Variants in BTBD9 observed in about 807,000 individuals in gnomAD.
The protein encoded by BTBD9 is BTB/POZ domain-containing protein 9.
BTBD9 carries 49 observed loss-of-function variants against 64.3 expected under a neutral mutation model. The observed-to-expected ratio is 0.76, with a 90% CI of 0.61 to 0.97. The LOEUF is 0.97. Among genes scored for constraint, BTBD9 ranks in the 50% least tolerant of loss-of-function variants. The pLI is 0.00. For missense variants in BTBD9, 598 were observed against 762.1 expected (o/e 0.78, Z 2.53); for synonymous variants, 260 against 274.7 (o/e 0.95, Z 0.53).
intron 9 of BTBD9, among the ~76,000 whole-genome samples, chr6:38,222,268 T>TTG (rs1468166655): frequency 7.2e-6 from 1 of 139,672 alleles, no homozygotes; most frequent in Non-Finnish European, 1.6e-5. Flanking sequence ...TTTTTTTTTT[T>TTG]TTTTTTTTTT....
At chr6:38,371,466 C>A (rs1765424659) in intron 6 of BTBD9, among the ~76,000 whole-genome samples, 1 of 152,194 alleles carries the variant, frequency 6.6e-6, no homozygotes, top group Non-Finnish European at 1.5e-5. Flanking sequence ...TTCCCAGGAT[C>A]TCATCCAGCA....
chr6:38,333,710 G>A lies in BTBD9; in HGVS notation c.1264+11274C>T, dbSNP rs369686071. On this transcript the variant is annotated intron_variant, in intron 7 of 10. Coordinates refer to ENST00000481247, the MANE Select transcript of BTBD9 (RefSeq NM_001099272.2). Reference sequence around the variant, plus strand: ...GAAGCCTCTGCAGAAGCAGAAGCCCGTACAGCCCACAAAACCATGAGCCAA... The same window carrying A: ...GAAGCCTCTGCAGAAGCAGAAGCCCATACAGCCCACAAAACCATGAGCCAA... 2.4e-4 allele frequency among the ~76,000 whole-genome samples: 36 copies of A among 152,280 alleles called. 1 individual carries two copies. In the South Asian group the frequency reaches 5.8e-3, roughly 25 times the overall value.
At chr6:38,308,768 G>C (rs1762719160) in intron 7 of BTBD9, among the ~76,000 whole-genome samples, 1 of 151,730 alleles carries the variant, frequency 6.6e-6, no homozygotes, top group Non-Finnish European at 1.5e-5. Context: ...ACCAAGCCTG[G>C]CTTATTTATT....
chr6:38,332,450 T>C (rs1433514102), intron 7 of BTBD9, among the ~76,000 whole-genome samples: 1 of 152,252 alleles, frequency 6.6e-6, no homozygotes, highest in Non-Finnish European at 1.5e-5. Flanking sequence ...TCTCACATTA[T>C]ATTCTTACAC....
intron 1 of BTBD9, among the ~76,000 whole-genome samples, chr6:38,632,145 T>C (rs973787377): frequency 6.6e-5 from 10 of 152,204 alleles, no homozygotes; most frequent in African/African-American, 2.2e-4. Flanking sequence ...AAAAGTTTGT[T>C]GTCTTAAGCA....
rs139563820 is a variant in BTBD9 at position 38,561,134 on chromosome 6, T to C, written c.1154+16466A>G. Among the ~76,000 whole-genome samples, 831 of 152,344 alleles carry C rather than the reference T, an allele frequency of 5.5e-3. 13 individuals carry two copies. Among genetic ancestry groups the C allele is most frequent in the African/African-American group, 0.018 (769 of 41,590 alleles). ...TGCTGGGTCAAACGGTAATTCTGTTTCTAGTTCTTTAAAGAAATAGCCACA... is the reference window on the plus strand; with the variant it reads ...TGCTGGGTCAAACGGTAATTCTGTTCCTAGTTCTTTAAAGAAATAGCCACA... On this transcript the variant is annotated intron_variant, in intron 6 of 10. Coordinates refer to ENST00000481247, the MANE Select transcript of BTBD9 (RefSeq NM_001099272.2).
chr6:38,409,207 A>T (rs1767300824), intron 6 of BTBD9, among the ~76,000 whole-genome samples: 1 of 152,124 alleles, frequency 6.6e-6, no homozygotes, highest in South Asian at 2.1e-4. Context: ...CTGACATCAC[A>T]TCACTGCACT....
intron 6 of BTBD9, among the ~76,000 whole-genome samples, chr6:38,436,894 C>T (rs1029309088): frequency 6.6e-6 from 1 of 152,144 alleles, no homozygotes; most frequent in African/African-American, 2.4e-5. Context: ...CTATAAATTA[C>T]AAGTCTACAA....
chr6:38,525,416 G>A (rs1188160066), intron 6 of BTBD9, among the ~76,000 whole-genome samples: 1 of 152,194 alleles, frequency 6.6e-6, no homozygotes, highest in Non-Finnish European at 1.5e-5. Flanking sequence ...TTATAGCAGT[G>A]TGAAAATGGA....
chr6:38,403,370 T>G (rs939410278), intron 6 of BTBD9, among the ~76,000 whole-genome samples: 1 of 152,126 alleles, frequency 6.6e-6, no homozygotes, highest in Admixed American at 6.6e-5. Flanking sequence ...AAAATCCAAT[T>G]AAACAATGGG....
intron 6 of BTBD9, among the ~76,000 whole-genome samples, chr6:38,399,918 AT>A (rs562182320): frequency 2.7e-3 from 381 of 140,508 alleles, no homozygotes; most frequent in Middle Eastern, 3.6e-3. Flanking sequence ...TGCCCAGCTA[AT>A]TTTTTTTTTT....
chr6:38,281,275 A>C (rs1351300367), intron 8 of BTBD9, among the ~76,000 whole-genome samples: 1 of 152,198 alleles, frequency 6.6e-6, no homozygotes, highest in Non-Finnish European at 1.5e-5. Context: ...TAGCAGTCTA[A>C]AGGAGGTCAC....
chr6:38,285,695 T>C (rs952443188), intron 8 of BTBD9, among the ~76,000 whole-genome samples: 1 of 152,096 alleles, frequency 6.6e-6, no homozygotes, highest in Non-Finnish European at 1.5e-5. Context: ...AAGTCCCAAA[T>C]AGGTGAAGTC....
At chr6:38,407,494 GC>G in intron 6 of BTBD9, among the ~76,000 whole-genome samples, 1 of 152,194 alleles carries the variant, frequency 6.6e-6, no homozygotes, top group East Asian at 1.9e-4. Flanking sequence ...AAGCAGACCA[GC>G]CACAGTTCTT....
At chr6:38,332,261 C>T (rs1933863518) in intron 7 of BTBD9, among the ~76,000 whole-genome samples, 2 of 152,104 alleles carry the variant, frequency 1.3e-5, no homozygotes, top group East Asian at 1.9e-4. Context: ...AAGATAAATA[C>T]GTATTAATAC....
chr6:38,575,064 C>T (rs985275748), intron 6 of BTBD9, among the ~76,000 whole-genome samples: 1 of 152,152 alleles, frequency 6.6e-6, no homozygotes, highest in African/African-American at 2.4e-5. Context: ...TCAGGAATAA[C>T]CTCCAAATTC....
Position 38,274,079 on chromosome 6 carries a change from G to C in BTBD9, c.1454+14193C>G, listed in dbSNP as rs547897469. On this transcript the variant is annotated intron_variant, in intron 8 of 10. Coordinates refer to ENST00000481247, the MANE Select transcript of BTBD9 (RefSeq NM_001099272.2). ...GGGAAGGCATGAAGAAATGGTCGAA[G>C]GAAGAGGTCCTTCACGTCCCTTGTA... Among the ~76,000 whole-genome samples, 53 of 152,334 alleles carry C rather than the reference G, an allele frequency of 3.5e-4. 1 individual carries two copies. The South Asian group carries it at 5.2e-3, about 15-fold the overall frequency.
At chr6:38,289,234 C>T (rs541215677) in intron 7 of BTBD9, among the ~76,000 whole-genome samples, 3 of 152,116 alleles carry the variant, frequency 2.0e-5, no homozygotes, top group African/African-American at 4.8e-5. Flanking sequence ...ATTAGCCAGG[C>T]GTGGTAGCAC....
At chr6:38,358,188 C>G (rs1167073011) in intron 6 of BTBD9, among the ~76,000 whole-genome samples, 5 of 152,076 alleles carry the variant, frequency 3.3e-5, no homozygotes, top group African/African-American at 1.2e-4. Flanking sequence ...CCTTCCCGCT[C>G]TCTCCAGAAC....
Sources: gnomAD v4.1 joint callset for allele counts (sites outside exome capture counted in the v4.1 genomes callset) on GRCh38, gnomAD v4.1.1 for gene constraint, MANE v1.5 for transcripts, NCBI Gene and HGNC (gene_info 2026-07-23, HGNC 2026-07-21) for gene names.